The following FRMD4A variants were observed in gnomAD, a reference collection of about 807,000 sequenced individuals.
FRMD4A encodes the protein FERM domain-containing protein 4A.
Under a neutral mutation model 129.1 loss-of-function variants are expected in FRMD4A, and 29 were observed. The observed-to-expected ratio is 0.22, with a 90% CI of 0.17 to 0.31. The LOEUF is 0.31. Among genes scored for constraint, FRMD4A ranks in the 10% least tolerant of loss-of-function variants. The pLI, the probability that FRMD4A is intolerant of heterozygous loss-of-function variation, is 1.00. For synonymous variants in FRMD4A, 634 were observed against 571.6 expected, an observed-to-expected ratio of 1.11 and a Z score of -1.56; for missense variants, 1,272 against 1,375.8, an observed-to-expected ratio of 0.92 and a Z score of 1.19.
At chr10:14,207,197 T>C (rs1446464885) in intron 2 of FRMD4A, among the ~76,000 whole-genome samples, 1 of 152,140 alleles carries the variant, frequency 6.6e-6, no homozygotes, top group African/African-American at 2.4e-5. Flanking sequence ...GAACAATTAA[T>C]ACTACAAAAG....
intron 2 of FRMD4A, among the ~76,000 whole-genome samples, chr10:14,127,946 CTT>C (rs1263905927): frequency 6.4e-4 from 11 of 17,056 alleles, no homozygotes; most frequent in East Asian, 4.8e-3. Flanking sequence ...TTCTTTCTTT[CTT>C]TCTTTCTTTC....
At chr10:14,041,670 A>G (rs1241074258) in intron 2 of FRMD4A, among the ~76,000 whole-genome samples, 2 of 152,254 alleles carry the variant, frequency 1.3e-5, no homozygotes, top group African/African-American at 4.8e-5. Flanking sequence ...CATCAGAGGT[A>G]GAACAAATAA....
intron 2 of FRMD4A, among the ~76,000 whole-genome samples, chr10:13,943,761 G>T (rs2095311771): frequency 6.7e-6 from 1 of 149,452 alleles, no homozygotes; most frequent in Non-Finnish European, 1.5e-5. Context: ...TAAAGCAAAT[G>T]ATTTTCCTTC....
At chr10:14,058,570 G>A (rs1052208593) in intron 2 of FRMD4A, among the ~76,000 whole-genome samples, 1 of 152,154 alleles carries the variant, frequency 6.6e-6, no homozygotes, top group Non-Finnish European at 1.5e-5. Context: ...TTCGTAAGAA[G>A]GATAAAGATA....
chr10:13,830,919 A>T (rs1159399101), intron 3 of FRMD4A, among the ~76,000 whole-genome samples: 2 of 152,172 alleles, frequency 1.3e-5, no homozygotes, highest in African/African-American at 4.8e-5. Context: ...CCTCCCAAGT[A>T]GCTGGGATTA....
At chr10:13,914,747 C>G (rs2094980852) in intron 2 of FRMD4A, among the ~76,000 whole-genome samples, 1 of 151,956 alleles carries the variant, frequency 6.6e-6, no homozygotes, top group Non-Finnish European at 1.5e-5. Context: ...TGACAGCAAC[C>G]TGAATAGGAG....
In FRMD4A at chr10:13,836,782, G is replaced by A. The variant is rs541333679; in HGVS notation, c.111+22065C>T. ...TTTTTTTTTTTTTTTTTTTGAGACG[G>A]AGTCTCGCTCTGTCGCCAAGGCTGG... On this transcript the variant is annotated intron_variant, in intron 3 of 24. Transcript: ENST00000357447. Among the ~76,000 whole-genome samples the A allele has an allele frequency of 1.5e-4, 21 of 139,614 alleles. No individual in the cohort carries two copies. The South Asian group carries it at 4.6e-3, about 30-fold the overall frequency. The allele number at this position is 139,614 out of a possible 152,430, so 91.6% of individuals were successfully genotyped here.
At position 13,826,426 on chromosome 10, in the gene FRMD4A, C is replaced by T. The variant is rs914635559; in HGVS notation, c.112-15518G>A. ...TTCCCAGTGTCTGCTCAGAAATACC[C>T]GCTGCATCTACTATAGGATTTCTCC... On this transcript the variant is annotated intron_variant, in intron 3 of 24. Coordinates refer to ENST00000357447, the MANE Select transcript of FRMD4A (RefSeq NM_018027.5). Among the ~76,000 whole-genome samples, 10 of 152,174 alleles carry T rather than the reference C, an allele frequency of 6.6e-5. No homozygotes were observed. The East Asian group carries it at 1.2e-3, about 18-fold the overall frequency.
chr10:13,951,890 A>AAATAAT (rs5783371), intron 2 of FRMD4A, among the ~76,000 whole-genome samples: 26,177 of 127,324 alleles, frequency 0.21, 2,579 homozygotes, highest in Middle Eastern at 0.29. Context: ...ACTCTGTCTC[A>AAATAAT]AATAATAATA....
chr10:14,285,741 C>G (rs1035921944), intron 2 of FRMD4A, among the ~76,000 whole-genome samples: 8 of 152,240 alleles, frequency 5.3e-5, no homozygotes, highest in Non-Finnish European at 1.2e-4. Flanking sequence ...TATTAACTCC[C>G]TTGTTGACTT....
intron 4 of FRMD4A, among the ~76,000 whole-genome samples, chr10:13,807,017 C>T (rs546761704): frequency 6.6e-6 from 1 of 152,238 alleles, no homozygotes; most frequent in South Asian, 2.1e-4. Context: ...CCGTGTTAGC[C>T]AGGATGGTCT....
intron 17 of FRMD4A, chr10:13,668,393 A>G (rs2083233444): frequency 2.0e-5 from 3 of 152,244 alleles, no homozygotes. Context: ...GCCCAGGACA[A>G]ATTCTCACTA....
intron 2 of FRMD4A, among the ~76,000 whole-genome samples, chr10:13,950,744 C>T (rs990555798): frequency 6.6e-6 from 1 of 152,204 alleles, no homozygotes; most frequent in Admixed American, 6.5e-5. Context: ...TTCCCTGTGT[C>T]CTTTCCTGAG....
At chr10:14,184,081 G>A (rs1195636998) in intron 2 of FRMD4A, among the ~76,000 whole-genome samples, 2 of 150,426 alleles carry the variant, frequency 1.3e-5, no homozygotes, top group Non-Finnish European at 1.5e-5. Flanking sequence ...ATCACCAAGC[G>A]CTTACATCTT....
Position 14,220,783 on chromosome 10 carries a change from CGTGT to C in FRMD4A, c.45+109271_45+109274del, listed in dbSNP as rs71388166. Among the ~76,000 whole-genome samples the C allele has an allele frequency of 1.6e-4, 23 of 141,750 alleles. 1 individual carries two copies. The highest frequency in any genetic ancestry group is 7.3e-4 in the South Asian group (3 of 4,128). 93.0% of individuals were successfully genotyped at this position (141,750 alleles called of 152,430 possible). ...GCAACCAGAGGAGTTGGCTGAGTTG[CGTGT>C]GTGTGTGTGTGTGTGTGTGTGTGTT... is the stretch of plus-strand genomic sequence containing the variant. On this transcript the variant is annotated intron_variant, in intron 2 of 24. Coordinates refer to ENST00000357447, the MANE Select transcript of FRMD4A (RefSeq NM_018027.5).
intron 2 of FRMD4A, among the ~76,000 whole-genome samples, chr10:13,937,060 T>C (rs983390771): frequency 6.6e-6 from 1 of 152,206 alleles, no homozygotes; most frequent in Non-Finnish European, 1.5e-5. Flanking sequence ...TTCTCAGCAA[T>C]GTGGAAATAC....
At chr10:13,971,995 T>C (rs1334675586) in intron 2 of FRMD4A, 4 of 1,181,400 alleles carry the variant, frequency 3.4e-6, no homozygotes, top group Non-Finnish European at 4.3e-6. Context: ...CCTCAGAGAC[T>C]GCTTTCCTTC....
At chr10:14,017,703 T>G (rs1459789143) in intron 2 of FRMD4A, among the ~76,000 whole-genome samples, 1 of 152,184 alleles carries the variant, frequency 6.6e-6, no homozygotes, top group Non-Finnish European at 1.5e-5. Flanking sequence ...GCCATCAGAT[T>G]CCTTTCGCTC....
intron 2 of FRMD4A, among the ~76,000 whole-genome samples, chr10:14,054,599 G>A (rs1235872243): frequency 6.6e-6 from 1 of 152,126 alleles, no homozygotes; most frequent in Non-Finnish European, 1.5e-5. Context: ...CTGAACAGGG[G>A]CAGTCCACGC....
Sources: allele counts gnomAD v4.1 joint callset (sites outside exome capture counted in the v4.1 genomes callset), GRCh38; gene constraint gnomAD v4.1.1; transcripts MANE v1.5; gene names NCBI Gene and HGNC (gene_info 2026-07-23, HGNC 2026-07-21).